The following SV2C variants were observed in gnomAD, a reference collection of about 807,000 sequenced individuals.
SV2C encodes the protein solute carrier family 22 member B3.
In SV2C, 49 loss-of-function variants were observed where a neutral mutation model predicts 79.7. The observed-to-expected ratio is 0.61, with a 90% CI of 0.49 to 0.78. SV2C has a LOEUF of 0.78. Among genes scored for constraint, SV2C ranks in the 30% least tolerant of loss-of-function variants. The probability of loss-of-function intolerance (pLI) is 0.00; values close to 1 mark genes in which losing one functional copy is unlikely to be tolerated. For missense variants in SV2C, 833 were observed against 912.9 expected, an observed-to-expected ratio of 0.91 and a Z score of 1.13; for synonymous variants, 334 against 333.2, an observed-to-expected ratio of 1.00 and a Z score of -0.03.
intron 2 of SV2C, among the ~76,000 whole-genome samples, chr5:76,160,654 G>T (rs748192781): frequency 6.6e-6 from 1 of 152,132 alleles, no homozygotes; most frequent in Admixed American, 6.5e-5. Context: ...TCTGATAAGA[G>T]AATTGTATCC....
the SV2C span, among the ~76,000 whole-genome samples, chr5:75,997,071 A>G: frequency 1.3e-5 from 2 of 150,446 alleles, no homozygotes; most frequent in African/African-American, 4.9e-5. Flanking sequence ...CCAGTTTTCA[A>G]AGGGAATGCT....
intron 6 of SV2C, among the ~76,000 whole-genome samples, chr5:76,287,575 G>A (rs1747396025): frequency 6.6e-6 from 1 of 151,994 alleles, no homozygotes; most frequent in Non-Finnish European, 1.5e-5. Flanking sequence ...TCTCTCTGCA[G>A]CTACATTCAT....
chr5:76,086,083 C>G (rs1747186857), intron 1 of SV2C, among the ~76,000 whole-genome samples: 1 of 152,112 alleles, frequency 6.6e-6, no homozygotes, highest in Non-Finnish European at 1.5e-5. Context: ...TTTTTCATGA[C>G]CCAATGACAG....
the SV2C span, among the ~76,000 whole-genome samples, chr5:76,054,608 C>T: frequency 1.3e-5 from 2 of 152,168 alleles, no homozygotes; most frequent in African/African-American, 4.8e-5. Flanking sequence ...ACATTCCCAC[C>T]AACAGTGTAA....
chr5:75,980,104 C>T, the SV2C span, among the ~76,000 whole-genome samples: 5 of 152,104 alleles, frequency 3.3e-5, no homozygotes, highest in Non-Finnish European at 7.4e-5. Context: ...TGCACATAAA[C>T]GAGAAAATCT....
intron 2 of SV2C, among the ~76,000 whole-genome samples, chr5:76,169,738 A>G (rs1743155880): frequency 6.6e-6 from 1 of 152,214 alleles, no homozygotes; most frequent in Non-Finnish European, 1.5e-5. Context: ...CCTAGCAACA[A>G]TAGCACGTGG....
At chr5:76,212,649 C>T (rs188725390) in intron 4 of SV2C, among the ~76,000 whole-genome samples, 15 of 152,284 alleles carry the variant, frequency 9.9e-5, no homozygotes, top group Admixed American at 5.2e-4. Context: ...CTCAGAATTT[C>T]ACCTGCTGGC....
At chr5:76,076,432 C>G in the SV2C span, among the ~76,000 whole-genome samples, 1 of 152,192 alleles carries the variant, frequency 6.6e-6, no homozygotes, top group Non-Finnish European at 1.5e-5. Context: ...AGAAGTCTTT[C>G]TTCAGGAAAA....
the SV2C span, among the ~76,000 whole-genome samples, chr5:76,023,648 G>C: frequency 2.1e-5 from 3 of 145,760 alleles, no homozygotes; most frequent in African/African-American, 7.7e-5. Context: ...CATATAATGT[G>C]TGTGTGTATA....
At chr5:76,310,661 G>A (rs1347186260) in intron 12 of SV2C, among the ~76,000 whole-genome samples, 3 of 152,216 alleles carry the variant, frequency 2.0e-5, no homozygotes, top group Non-Finnish European at 2.9e-5. Flanking sequence ...TGGTGAGAAA[G>A]TGGTTAGATT....
the SV2C span, among the ~76,000 whole-genome samples, chr5:75,935,170 TAAATA>T: frequency 2.6e-5 from 4 of 152,184 alleles, no homozygotes; most frequent in African/African-American, 7.2e-5. Flanking sequence ...AAAATTGAAT[TAAATA>T]AAATAAAAAA....
rs1294064236 is a variant in SV2C, at chr5:76,326,174, C to T, written c.*627C>T. 6.6e-6 allele frequency: 1 copy of T among 152,216 alleles called. No individual in the cohort carries two copies. Among genetic ancestry groups the T allele is most frequent in the African/African-American group, 2.4e-5 (1 of 41,442 alleles). The allele number at this position is 152,216 out of a possible 1,614,324, so 9.4% of individuals were successfully genotyped here. On this transcript the variant is annotated 3_prime_UTR_variant, in exon 13 of 13. Transcript: ENST00000502798. ...AAGCTCTGCAATTAGCAGCAAAAAT[C>T]TGAGTGTGCTGCATAAGCAAGATTT...
chr5:76,323,472 G>A (rs1384089720), intron 12 of SV2C, among the ~76,000 whole-genome samples: 1 of 152,354 alleles, frequency 6.6e-6, no homozygotes, highest in Admixed American at 6.5e-5. Flanking sequence ...GTGGAAGACA[G>A]TACAGCGATT....
chr5:75,852,568 A>C, the SV2C span, among the ~76,000 whole-genome samples: 1 of 152,222 alleles, frequency 6.6e-6, no homozygotes. Flanking sequence ...ATATTCTTCA[A>C]ACATAAAGGC....
At position 76,142,903 on chromosome 5, in the gene SV2C, C is replaced by CTTTTTTTTTTTTTT. The variant is rs372569739; in HGVS notation, c.580+10582_580+10583insTTTTTTTTTTTTTT. ...GGTATCTCTTCAACTTTTTCTTTTC[C>CTTTTTTTTTTTTTT]TTTTTTTTTGAGACGGAGTCTTGCT... On this transcript the variant is annotated intron_variant, in intron 2 of 12. Transcript: ENST00000502798. Among the ~76,000 whole-genome samples the CTTTTTTTTTTTTTT allele has an allele frequency of 1.3e-4, 17 of 134,566 alleles. 3 individuals are homozygous for CTTTTTTTTTTTTTT. Among genetic ancestry groups the CTTTTTTTTTTTTTT allele is most frequent in the African/African-American group, 2.1e-4 (8 of 38,362 alleles). The allele number at this position is 134,566 out of a possible 152,430, so 88.3% of individuals were successfully genotyped here. A position where few individuals can be genotyped will look rare whatever the true frequency, so the allele number is the denominator to read the frequency against.
chr5:76,298,789 G>A lies in SV2C; in HGVS notation c.1503-5G>A, dbSNP rs977849006. ...TTGATATGAATTTTTCTGTGTGTTG[G>A]GCAGATTCATAGGGGTCAAGTTCAA... On this transcript the variant is annotated splice_region_variant and splice_polypyrimidine_tract_variant and intron_variant, in intron 9 of 12. Coordinates refer to ENST00000502798, the MANE Select transcript of SV2C (RefSeq NM_014979.4). The A allele has an allele frequency of 6.2e-7, 1 of 1,612,952 alleles. No individual in the cohort carries two copies. The highest frequency in any genetic ancestry group is 1.3e-5 in the African/African-American group (1 of 74,872).
chr5:75,968,098 T>TG, the SV2C span, among the ~76,000 whole-genome samples: 2 of 152,180 alleles, frequency 1.3e-5, no homozygotes, highest in Non-Finnish European at 2.9e-5. Context: ...CCAACAGACC[T>TG]GCAGCTGAGG....
chr5:76,209,060 A>G (rs930333701), intron 3 of SV2C, among the ~76,000 whole-genome samples: 1 of 152,190 alleles, frequency 6.6e-6, no homozygotes, highest in Non-Finnish European at 1.5e-5. Flanking sequence ...ACTGAAAGGA[A>G]GCATTATATT....
intron 2 of SV2C, among the ~76,000 whole-genome samples, chr5:76,143,058 G>A (rs1047039883): frequency 5.3e-5 from 8 of 151,820 alleles, no homozygotes; most frequent in African/African-American, 1.5e-4. Flanking sequence ...CACCACACCC[G>A]GCTAATTTTT....
Sources: gnomAD v4.1 joint callset for allele counts (sites outside exome capture counted in the v4.1 genomes callset) on GRCh38, gnomAD v4.1.1 for gene constraint, MANE v1.5 for transcripts, NCBI Gene and HGNC (gene_info 2026-07-23, HGNC 2026-07-21) for gene names.